The following PATJ variants were observed in gnomAD, a reference collection of about 807,000 sequenced individuals.
PATJ encodes inaD-like protein.
In PATJ, 190 loss-of-function variants were observed where a neutral mutation model predicts 224.9. The ratio of observed to expected loss-of-function variants is 0.84; its 90% confidence interval spans 0.75 to 0.95. The LOEUF (loss-of-function observed/expected upper bound fraction) is 0.95, where lower values mean the gene tolerates loss of function less well. PATJ is among the 40% of genes least tolerant of loss of function. PATJ has a pLI of 0.00. For missense variants in PATJ, 2,121 were observed against 2,270.3 expected (o/e 0.93, Z 1.34); for synonymous variants, 769 against 820.3 (o/e 0.94, Z 1.07).
At position 61,770,539 on chromosome 1, in the gene PATJ, A is replaced by G. The variant is rs116787609; in HGVS notation, c.525-892A>G. Among the ~76,000 whole-genome samples the G allele has an allele frequency of 6.4e-3, 977 of 152,288 alleles. 13 individuals carry two copies. Among genetic ancestry groups the G allele is most frequent in the African/African-American group, 0.022 (911 of 41,560 alleles). On this transcript the variant is annotated intron_variant, in intron 5 of 43. Coordinates refer to ENST00000642238, the MANE Select transcript of PATJ (RefSeq NM_001350145.3). ...TCAACATAGTACCTGACTCATGATA[A>G]GTGCTCAGTAAATACTATTTTTCTT...
chr1:61,976,634 C>G (rs575634009), intron 27 of PATJ, among the ~76,000 whole-genome samples: 1 of 152,084 alleles, frequency 6.6e-6, no homozygotes, highest in Admixed American at 6.5e-5. Flanking sequence ...TCTCGAGCTT[C>G]TGACCTCAGG....
chr1:62,015,208 G>A (rs1346847545), intron 28 of PATJ, among the ~76,000 whole-genome samples: 1 of 151,952 alleles, frequency 6.6e-6, no homozygotes, highest in Non-Finnish European at 1.5e-5. Flanking sequence ...GGAGGCTGAG[G>A]CGGGAGAATT....
Position 61,965,121 on chromosome 1 carries a change from C to CAAAAAAA in PATJ, c.3671-25013_3671-25007dup, listed in dbSNP as rs34267345. On this transcript the variant is annotated intron_variant, in intron 27 of 43. Transcript: ENST00000642238. ...TGGGCCACTGAAGGAGACTCTGTCT[C>CAAAAAAA]AAAAAAAAAAAAAAAAAAAAAAAAA... 4.1e-3 allele frequency among the ~76,000 whole-genome samples: 222 copies of CAAAAAAA among 54,358 alleles called. 56 individuals carry two copies. The highest frequency in any genetic ancestry group is 6.3e-3 in the East Asian group (3 of 478). The allele number at this position is 54,358 out of a possible 152,430, so 35.7% of individuals were successfully genotyped here.
intron 37 of PATJ, among the ~76,000 whole-genome samples, chr1:62,120,323 A>C (rs1558195865): frequency 6.6e-6 from 1 of 152,222 alleles, no homozygotes; most frequent in Non-Finnish European, 1.5e-5. Context: ...TATTTTAGGA[A>C]TTAAAATATT....
intron 21 of PATJ, among the ~76,000 whole-genome samples, chr1:61,875,925 TTTC>T (rs1213850995): frequency 6.6e-6 from 1 of 152,172 alleles, no homozygotes; most frequent in Non-Finnish European, 1.5e-5. Context: ...AAAAAGAATT[TTTC>T]TTCATCTAAC....
chr1:61,959,843 C>G (rs1481064602), intron 27 of PATJ, among the ~76,000 whole-genome samples: 1 of 151,876 alleles, frequency 6.6e-6, no homozygotes. Context: ...GCAATATAGC[C>G]AGACTTCCAT....
intron 29 of PATJ, among the ~76,000 whole-genome samples, chr1:62,027,996 A>G (rs1020284257): frequency 6.6e-6 from 1 of 151,854 alleles, no homozygotes; most frequent in Non-Finnish European, 1.5e-5. Flanking sequence ...TTGATGTCCA[A>G]TTTATCTAAT....
intron 22 of PATJ, among the ~76,000 whole-genome samples, chr1:61,896,179 C>T (rs1402862362): frequency 6.6e-6 from 1 of 151,992 alleles, no homozygotes; most frequent in African/African-American, 2.4e-5. Context: ...CACTTGAAAT[C>T]CCAGCTACGT....
At chr1:61,866,502 G>A (rs1055661632) in intron 20 of PATJ, among the ~76,000 whole-genome samples, 4 of 151,986 alleles carry the variant, frequency 2.6e-5, no homozygotes, top group African/African-American at 9.7e-5. Context: ...CTTTTTGATC[G>A]TTTAACACAG....
chr1:62,088,560 CT>C (rs1660323763), intron 33 of PATJ, among the ~76,000 whole-genome samples: 1 of 152,124 alleles, frequency 6.6e-6, no homozygotes, highest in Non-Finnish European at 1.5e-5. Flanking sequence ...CATTTACTAG[CT>C]GGGGCAGACT....
intron 31 of PATJ, among the ~76,000 whole-genome samples, chr1:62,074,920 CA>C (rs1332920871): frequency 3.3e-5 from 5 of 152,144 alleles, no homozygotes; most frequent in Non-Finnish European, 7.4e-5. Flanking sequence ...GCTGAGATCA[CA>C]GCACTGCACT....
chr1:61,819,109 T>A (rs141253102), intron 14 of PATJ, among the ~76,000 whole-genome samples: 100 of 152,312 alleles, frequency 6.6e-4, no homozygotes, highest in African/African-American at 2.3e-3. Context: ...GTAGGCTTTT[T>A]TGTAGGGCTG....
intron 14 of PATJ, among the ~76,000 whole-genome samples, chr1:61,812,347 G>A (rs1654945582): frequency 6.7e-6 from 1 of 148,500 alleles, no homozygotes; most frequent in East Asian, 2.0e-4. Context: ...AGAGGAAGGG[G>A]AGGGAATAGA....
intron 28 of PATJ, among the ~76,000 whole-genome samples, chr1:62,000,781 C>T (rs761457874): frequency 6.0e-4 from 90 of 150,958 alleles, no homozygotes; most frequent in Middle Eastern, 3.4e-3. Flanking sequence ...ACACTGACTT[C>T]CCCAAGGGTT....
chr1:62,086,983 AT>A lies in PATJ; in HGVS notation c.4377+2336del, dbSNP rs1660077880. ...CGTCGTCCGTGGACAGCGGTACGTT[AT>A]CAGCTCAGTGGGCCCCTTGCCTTGT... On this transcript the variant is annotated intron_variant, in intron 33 of 43. Coordinates refer to ENST00000642238, the MANE Select transcript of PATJ (RefSeq NM_001350145.3). The surrounding 1 kb of genome is among the most constrained non-coding windows in gnomAD (Gnocchi z 4.0). Among the ~76,000 whole-genome samples the A allele has an allele frequency of 6.6e-6, 1 of 152,138 alleles. No homozygotes were observed. Among genetic ancestry groups the A allele is most frequent in the African/African-American group, 2.4e-5 (1 of 41,444 alleles).
At chr1:62,046,225 AAAGG>A (rs1253131993) in intron 30 of PATJ, among the ~76,000 whole-genome samples, 10 of 123,372 alleles carry the variant, frequency 8.1e-5, no homozygotes, top group African/African-American at 2.0e-4. Flanking sequence ...GGAAGGAAGG[AAAGG>A]AAGGAAGGGA....
intron 27 of PATJ, among the ~76,000 whole-genome samples, chr1:61,962,395 G>A (rs754515482): frequency 6.6e-6 from 1 of 152,128 alleles, no homozygotes; most frequent in Non-Finnish European, 1.5e-5. Flanking sequence ...CTTCTGTCTC[G>A]ATATTTTTTC....
intron 28 of PATJ, among the ~76,000 whole-genome samples, chr1:62,000,467 G>A (rs1448690307): frequency 4.7e-5 from 7 of 150,364 alleles, no homozygotes; most frequent in Non-Finnish European, 1.0e-4. Flanking sequence ...TTGTTCTTAC[G>A]ATAGTTTACT....
intron 39 of PATJ, among the ~76,000 whole-genome samples, chr1:62,124,199 C>T (rs902285715): frequency 6.6e-6 from 1 of 152,140 alleles, no homozygotes; most frequent in African/African-American, 2.4e-5. Flanking sequence ...TCTCGTGCCT[C>T]AGCCTCCCAA....
Sources: gnomAD v4.1 joint callset for allele counts (sites outside exome capture counted in the v4.1 genomes callset) on GRCh38, gnomAD v4.1.1 for gene constraint, Gnocchi (gnomAD v3.1) non-coding constraint, MANE v1.5 for transcripts, NCBI Gene and HGNC (gene_info 2026-07-23, HGNC 2026-07-21) for gene names.